NRXN1: variants seen among roughly 807,000 people sequenced by gnomAD.
NRXN1 encodes neurexin 1, also known as neurexin-1.
In NRXN1, 39 loss-of-function variants were observed where a neutral mutation model predicts 150.9. The ratio of observed to expected loss-of-function variants is 0.26; its 90% CI spans 0.20 to 0.34. The LOEUF (loss-of-function observed/expected upper bound fraction) is 0.34, where lower values mean the gene tolerates loss of function less well. Among genes scored for constraint, NRXN1 ranks in the 10% least tolerant of loss-of-function variants. The pLI is 1.00. For synonymous variants in NRXN1, 924 were observed against 757.0 expected, an observed-to-expected ratio of 1.22 and a Z score of -3.62; for missense variants, 1,815 against 1,949.9, an observed-to-expected ratio of 0.93 and a Z score of 1.30.
chr2:50,625,248 T>C (rs945830244), intron 5 of NRXN1, among the ~76,000 whole-genome samples: 1 of 152,072 alleles, frequency 6.6e-6, no homozygotes, highest in South Asian at 2.1e-4. Flanking sequence ...TCTGCCTTCC[T>C]GGATGTAGAA....
intron 21 of NRXN1, among the ~76,000 whole-genome samples, chr2:50,027,458 T>A (rs1688532297): frequency 6.8e-6 from 1 of 146,238 alleles, no homozygotes; most frequent in African/African-American, 2.5e-5. Flanking sequence ...TCTCTCCTTT[T>A]TTGAGACAGT....
intron 5 of NRXN1, among the ~76,000 whole-genome samples, chr2:50,867,969 T>C (rs976352012): frequency 6.6e-6 from 1 of 151,498 alleles, no homozygotes; most frequent in African/African-American, 2.4e-5. Context: ...TATAATGACC[T>C]GAACTGTAGA....
At chr2:50,633,348 A>G (rs1682675738) in intron 5 of NRXN1, among the ~76,000 whole-genome samples, 1 of 152,122 alleles carries the variant, frequency 6.6e-6, no homozygotes, top group Admixed American at 6.5e-5. Context: ...AGAAAGAAAA[A>G]AAACTAAAAT....
intron 5 of NRXN1, among the ~76,000 whole-genome samples, chr2:50,786,122 A>G (rs546839451): frequency 2.0e-5 from 3 of 152,220 alleles, no homozygotes; most frequent in South Asian, 2.1e-4. Flanking sequence ...TGAGATGTTA[A>G]CTATCCAAGA....
At chr2:50,841,253 T>C (rs1433727212) in intron 5 of NRXN1, 2 of 152,606 alleles carry the variant, frequency 1.3e-5, no homozygotes, top group Admixed American at 6.5e-5. Context: ...GTTATCTCCA[T>C]ACATCAGTAT....
At chr2:50,999,314 G>A (rs1354418587) in intron 2 of NRXN1, among the ~76,000 whole-genome samples, 1 of 151,948 alleles carries the variant, frequency 6.6e-6, no homozygotes, top group Non-Finnish European at 1.5e-5. Context: ...ACTGTACAAG[G>A]TGGATACTCC....
chr2:50,489,367 T>G (rs1408879718), intron 15 of NRXN1, among the ~76,000 whole-genome samples: 2 of 152,170 alleles, frequency 1.3e-5, no homozygotes, highest in Non-Finnish European at 2.9e-5. Flanking sequence ...ATCTTGGGCC[T>G]GTGACTGAAC....
intron 5 of NRXN1, among the ~76,000 whole-genome samples, chr2:50,757,539 C>T (rs958505313): frequency 2.6e-5 from 4 of 151,680 alleles, no homozygotes; most frequent in African/African-American, 9.7e-5. Context: ...TATATGAATA[C>T]AAATTAAAAG....
chr2:50,144,375 C>T (rs116327219), intron 18 of NRXN1, among the ~76,000 whole-genome samples: 172 of 151,924 alleles, frequency 1.1e-3, no homozygotes, highest in African/African-American at 3.9e-3. Flanking sequence ...TTGATACTCA[C>T]AGCCCCTGAG....
chr2:50,590,513 C>T (rs571087204), intron 8 of NRXN1, among the ~76,000 whole-genome samples: 90 of 152,232 alleles, frequency 5.9e-4, no homozygotes, highest in Non-Finnish European at 1.2e-3. Flanking sequence ...CCCTGGACAA[C>T]TAACATTAAC....
chr2:50,705,076 A>C (rs938546295), intron 5 of NRXN1, among the ~76,000 whole-genome samples: 8 of 151,078 alleles, frequency 5.3e-5, no homozygotes, highest in East Asian at 1.9e-4. Context: ...ACACACACAC[A>C]CCCATCCCCA....
chr2:50,931,865 T>C (rs559129338), intron 2 of NRXN1, among the ~76,000 whole-genome samples: 18 of 152,056 alleles, frequency 1.2e-4, no homozygotes, highest in Admixed American at 7.9e-4. Context: ...ATTAAAATAT[T>C]ATTTTTTTTT....
At chr2:50,468,095 G>A (rs75884793) in intron 16 of NRXN1, among the ~76,000 whole-genome samples, 2,947 of 151,684 alleles carry the variant, frequency 0.019, 104 homozygotes, top group African/African-American at 0.068. Context: ...TTGGGGAGAT[G>A]CCATTTTATC....
intron 17 of NRXN1, among the ~76,000 whole-genome samples, chr2:50,316,274 T>C (rs949828210): frequency 6.6e-6 from 1 of 152,016 alleles, no homozygotes; most frequent in South Asian, 2.1e-4. Flanking sequence ...CCATTCCAAC[T>C]GAAACCTTAT....
chr2:50,457,896 A>C (rs969360326), intron 17 of NRXN1, among the ~76,000 whole-genome samples: 17 of 152,190 alleles, frequency 1.1e-4, no homozygotes, highest in African/African-American at 3.9e-4. Flanking sequence ...AATGTGAATT[A>C]GTACAACCAC....
intron 17 of NRXN1, among the ~76,000 whole-genome samples, chr2:50,373,715 A>AAGAAAGAAAGAAAGAAAGAAAG (rs1363871166): frequency 5.4e-5 from 8 of 147,522 alleles, no homozygotes; most frequent in African/African-American, 1.8e-4. Flanking sequence ...AAGAAAGAGA[A>AAGAAAGAAAGAAAGAAAGAAAG]AGAAAGACAG....
chr2:50,125,632 T>C (rs1257502857), intron 18 of NRXN1, among the ~76,000 whole-genome samples: 3 of 152,154 alleles, frequency 2.0e-5, no homozygotes, highest in Non-Finnish European at 4.4e-5. Context: ...TTAATATTAA[T>C]ATTTTTGGTT....
intron 18 of NRXN1, among the ~76,000 whole-genome samples, chr2:50,156,536 T>C (rs1358139953): frequency 1.3e-5 from 2 of 152,052 alleles, no homozygotes; most frequent in East Asian, 3.9e-4. Flanking sequence ...TGTGGACACA[T>C]TTTATAACTA....
chr2:50,740,356 C>A (rs1403950067), intron 5 of NRXN1, among the ~76,000 whole-genome samples: 1 of 152,186 alleles, frequency 6.6e-6, no homozygotes, highest in East Asian at 1.9e-4. Context: ...CCTAGTTTAT[C>A]TAAGGATGCA....
Sources: allele counts gnomAD v4.1 joint callset (sites outside exome capture counted in the v4.1 genomes callset), GRCh38; gene constraint gnomAD v4.1.1; transcripts MANE v1.5; gene names NCBI Gene and HGNC (gene_info 2026-07-23, HGNC 2026-07-21).